Variants in RANBP17 observed in about 807,000 individuals in gnomAD.
RANBP17 encodes ran-binding protein 17.
In RANBP17, 158 loss-of-function variants were observed where a neutral mutation model predicts 141.2. That is an observed-to-expected ratio of 1.12 (90% CI 0.98 to 1.28). The LOEUF is 1.28. Among genes scored for constraint, RANBP17 ranks in the 50% most tolerant of loss-of-function variants. The probability of loss-of-function intolerance (pLI) is 0.00; values close to 1 mark genes in which losing one functional copy is unlikely to be tolerated. For missense variants in RANBP17, 1,438 were observed against 1,290.7 expected, an observed-to-expected ratio of 1.11 and a Z score of -1.75; for synonymous variants, 430 against 450.0, an observed-to-expected ratio of 0.96 and a Z score of 0.56.
chr5:171,156,459 A>T (rs1346394396), intron 14 of RANBP17, among the ~76,000 whole-genome samples: 1 of 152,100 alleles, frequency 6.6e-6, no homozygotes, highest in Admixed American at 6.5e-5. Flanking sequence ...GTAAAGTGCA[A>T]ATACATGAGT....
chr5:171,009,433 G>A (rs559349050), intron 14 of RANBP17, among the ~76,000 whole-genome samples: 1 of 152,032 alleles, frequency 6.6e-6, no homozygotes, highest in African/African-American at 2.4e-5. Context: ...GAATTGGATT[G>A]GTATAAATGG....
chr5:171,119,767 T>G (rs1239770761), intron 14 of RANBP17, among the ~76,000 whole-genome samples: 1 of 152,036 alleles, frequency 6.6e-6, no homozygotes, highest in African/African-American at 2.4e-5. Context: ...TGGCTGGGCA[T>G]GGTGGCTTAC....
intron 24 of RANBP17, among the ~76,000 whole-genome samples, chr5:171,264,198 G>A (rs1214937822): frequency 6.6e-6 from 1 of 152,178 alleles, no homozygotes; most frequent in Non-Finnish European, 1.5e-5. Flanking sequence ...AAGCTATGAG[G>A]ACGCAAAGGC....
At chr5:170,870,380 C>G (rs1224203896) in intron 1 of RANBP17, among the ~76,000 whole-genome samples, 1 of 151,874 alleles carries the variant, frequency 6.6e-6, no homozygotes, top group African/African-American at 2.4e-5. Context: ...CCCTCACCCC[C>G]ACAACAGGCC....
At chr5:171,165,843 G>C (rs1759657252) in intron 14 of RANBP17, among the ~76,000 whole-genome samples, 1 of 152,232 alleles carries the variant, frequency 6.6e-6, no homozygotes, top group South Asian at 2.1e-4. Flanking sequence ...GAATTTATAG[G>C]GAGAGCTTCT....
chr5:171,151,871 G>GT (rs1561707579), intron 14 of RANBP17, among the ~76,000 whole-genome samples: 2 of 152,004 alleles, frequency 1.3e-5, no homozygotes, highest in African/African-American at 4.8e-5. Context: ...GAGAGGGCTG[G>GT]TTTTTCTGCA....
chr5:170,916,811 G>A (rs1772016867), intron 9 of RANBP17, among the ~76,000 whole-genome samples: 1 of 151,416 alleles, frequency 6.6e-6, no homozygotes, highest in African/African-American at 2.4e-5. Flanking sequence ...TACCTCCCGG[G>A]TTCGAGTGAT....
At chr5:171,060,368 G>A (rs1354295804) in intron 14 of RANBP17, among the ~76,000 whole-genome samples, 18 of 151,588 alleles carry the variant, frequency 1.2e-4, no homozygotes, top group Non-Finnish European at 5.9e-5. Context: ...AGAGTTTTTA[G>A]CATGAAGGTG....
intron 16 of RANBP17, among the ~76,000 whole-genome samples, chr5:171,176,111 A>AATAG (rs761379956): frequency 6.6e-6 from 1 of 152,136 alleles, no homozygotes; most frequent in African/African-American, 2.4e-5. Context: ...CTGACTCTCT[A>AATAG]AGATTATCCC....
intron 16 of RANBP17, among the ~76,000 whole-genome samples, chr5:171,173,659 A>T (rs1760248405): frequency 6.6e-6 from 1 of 152,140 alleles, no homozygotes; most frequent in African/African-American, 2.4e-5. Flanking sequence ...AGTATTAAAA[A>T]GCCTTTGGTT....
intron 14 of RANBP17, among the ~76,000 whole-genome samples, chr5:171,012,991 A>G (rs540695056): frequency 6.6e-6 from 1 of 152,318 alleles, no homozygotes; most frequent in South Asian, 2.1e-4. Flanking sequence ...AAATGAGGAA[A>G]CAGTCACTTT....
rs559875517 is a variant in RANBP17 at position 171,175,533 on chromosome 5, C to G, written c.1865+4247C>G. On this transcript the variant is annotated intron_variant, in intron 16 of 27. Transcript: ENST00000523189. ...ATGGGAGAAAATTTTTTTAATCTCT[C>G]CATCTGACAAGGCTAATATCCAGAA... Among the ~76,000 whole-genome samples, 4 of 152,156 alleles carry G rather than the reference C, an allele frequency of 2.6e-5. No homozygotes were observed. The South Asian group carries it at 8.3e-4, about 32-fold the overall frequency.
chr5:171,030,115 A>T (rs573049483), intron 14 of RANBP17, among the ~76,000 whole-genome samples: 1 of 152,192 alleles, frequency 6.6e-6, no homozygotes, highest in South Asian at 2.1e-4. Flanking sequence ...ACTCCTGGTC[A>T]CTAGGAAGAA....
intron 14 of RANBP17, among the ~76,000 whole-genome samples, chr5:171,098,525 T>C (rs1478257508): frequency 6.6e-6 from 1 of 152,236 alleles, no homozygotes; most frequent in Non-Finnish European, 1.5e-5. Flanking sequence ...TCTTTGTAGA[T>C]TCTGGATATT....
intron 12 of RANBP17, 109 bp downstream of exon 12, chr5:170,924,659 C>A: frequency 1.5e-6 from 1 of 677,352 alleles, no homozygotes. Flanking sequence ...TCCCCAATTC[C>A]TGGTCCCCTA....
At chr5:170,881,784 T>C (rs1768718563) in intron 2 of RANBP17, 22 bp from the exon 3 acceptor site, 3 of 1,446,870 alleles carry the variant, frequency 2.1e-6, no homozygotes, top group Middle Eastern at 1.9e-4. Context: ...ATGATAATAA[T>C]AAATAAAATT....
chr5:171,151,336 C>T (rs1334105798), intron 14 of RANBP17, among the ~76,000 whole-genome samples: 2 of 151,900 alleles, frequency 1.3e-5, no homozygotes, highest in Non-Finnish European at 2.9e-5. Context: ...ACTTGAAAGG[C>T]AAGATCAGGT....
intron 14 of RANBP17, among the ~76,000 whole-genome samples, chr5:171,160,687 T>A (rs1759286936): frequency 6.6e-6 from 1 of 152,250 alleles, no homozygotes; most frequent in Admixed American, 6.5e-5. Context: ...AGTTAAAAGA[T>A]GTACTTTTGC....
At chr5:171,154,806 G>A (rs1406386931) in intron 14 of RANBP17, among the ~76,000 whole-genome samples, 1 of 151,994 alleles carries the variant, frequency 6.6e-6, no homozygotes, top group Non-Finnish European at 1.5e-5. Context: ...TGGGCTCAGT[G>A]GCTCACGCCT....
Sources: gnomAD v4.1 joint callset for allele counts (sites outside exome capture counted in the v4.1 genomes callset) on GRCh38, gnomAD v4.1.1 for gene constraint, MANE v1.5 for transcripts, NCBI Gene and HGNC (gene_info 2026-07-23, HGNC 2026-07-21) for gene names.